Variants in KCTD17 observed in about 807,000 individuals in gnomAD.
The protein encoded by KCTD17 is potassium channel tetramerization domain containing 17, also known as BTB/POZ domain-containing protein KCTD17.
In KCTD17, 20 loss-of-function variants were observed where a neutral mutation model predicts 41.5. The observed-to-expected ratio is 0.48, with a 90% CI of 0.34 to 0.70. KCTD17 has a LOEUF of 0.70. Ranked by LOEUF, KCTD17 falls within the 30% of genes least tolerant of loss-of-function variation. The pLI, the probability that KCTD17 is intolerant of heterozygous loss-of-function variation, is 0.01. For missense variants in KCTD17, 317 were observed against 427.2 expected (o/e 0.74, Z 2.27); for synonymous variants, 156 against 173.8 (o/e 0.90, Z 0.80).
rs1266067140 is a variant in KCTD17, at chr22:37,051,820, C to T, written c.60C>T (p.Gly20=). The change falls in exon 1 of 9, where the codon GGC becomes GGT. Residue 20 remains glycine (G), a synonymous_variant. Coordinates refer to ENST00000403888, the MANE Select transcript of KCTD17 (RefSeq NM_001282684.2). The stretch of plus-strand genomic sequence containing the variant: ...CGGGGGCGGGCGGCCGCGCCGCAGG[C>T]GGCTGGGGCAAGTGGGTGCGGCTCA... ...PPAGAGGRAA[G]GWGKWVRLNV... is the part of the protein sequence containing the mutation. The T allele has an allele frequency of 1.5e-6, 2 of 1,326,624 alleles. No individual in the cohort carries two copies. The highest frequency in any genetic ancestry group is 9.7e-7 in the Non-Finnish European group (1 of 1,034,940). 82.2% of individuals were successfully genotyped at this position (1,326,624 alleles called of 1,614,324 possible).
intron 8 of KCTD17, chr22:37,062,266 A>G (rs1450695821): frequency 2.0e-6 from 2 of 984,840 alleles, no homozygotes; most frequent in East Asian, 1.1e-4. Flanking sequence ...ACCGAGCCCA[A>G]GACGGGGCAT....
Position 37,061,304 on chromosome 22 carries a change from C to A in KCTD17, c.784+129C>A. The A allele has an allele frequency of 6.6e-7, 1 of 1,519,306 alleles. No individual in the cohort carries two copies. The highest frequency in any genetic ancestry group is 8.8e-7 in the Non-Finnish European group (1 of 1,135,950). The allele number at this position is 1,519,306 out of a possible 1,614,324, so 94.1% of individuals were successfully genotyped here. A position where few individuals can be genotyped will look rare whatever the true frequency, so the allele number is the denominator to read the frequency against. ...CCTCCATCCCGGGTCTGCCCTGGTCCCAGCCTCCCGTGCCCTCCACCCAGG... is the reference window on the plus strand; with the variant it reads ...CCTCCATCCCGGGTCTGCCCTGGTCACAGCCTCCCGTGCCCTCCACCCAGG... On this transcript the variant is annotated intron_variant, in intron 7 of 8. Coordinates refer to ENST00000403888, the MANE Select transcript of KCTD17 (RefSeq NM_001282684.2). The surrounding 1 kb of genome is among the most constrained non-coding windows in gnomAD (Gnocchi z 6.6).
At chr22:37,059,210 G>T in intron 4 of KCTD17, 103 bp from the exon 5 acceptor site, 1 of 1,517,064 alleles carries the variant, frequency 6.6e-7, no homozygotes, top group Non-Finnish European at 9.0e-7. Context: ...GCAAGATTAG[G>T]ACCTGAGCTG....
chr22:37,052,576 C>T lies in KCTD17; in HGVS notation c.190-524C>T, dbSNP rs1359468540. On this transcript the variant is annotated intron_variant, in intron 1 of 8. Transcript: ENST00000403888. ...GGTCTCCTGTCCCCCATCCGTGACCCTCCGATGCTGTGGCCTTTGGCAAGT... is the reference window on the plus strand; with the variant it reads ...GGTCTCCTGTCCCCCATCCGTGACCTTCCGATGCTGTGGCCTTTGGCAAGT... 2.3e-5 allele frequency: 11 copies of T among 470,784 alleles called. No individual in the cohort carries two copies. The Admixed American group carries it at 2.6e-4, about 11-fold the overall frequency. 29.2% of individuals were successfully genotyped at this position (470,784 alleles called of 1,614,324 possible).
chr22:37,059,309 C>G lies in KCTD17; in HGVS notation c.487-4C>G. On this transcript the variant is annotated splice_polypyrimidine_tract_variant and splice_region_variant and intron_variant, in intron 4 of 8. Coordinates refer to ENST00000403888, the MANE Select transcript of KCTD17 (RefSeq NM_001282684.2). ...ATTTTTCTCCCCATGCTCCGCCCCT[C>G]TAGCTGGTGAACATCGGCTCCTCCT... 1 of 1,612,396 alleles carries G rather than the reference C, an allele frequency of 6.2e-7. No individual in the cohort carries two copies. The highest frequency in any genetic ancestry group is 8.5e-7 in the Non-Finnish European group (1 of 1,179,846).
In KCTD17 at chr22:37,051,911, A is replaced by G; in HGVS notation, c.151A>G (p.Ser51Gly). ...TLCREQKSFL[S>G]RLCQGEELQS... Reference sequence around the variant, plus strand: ...GTGCCGCGAGCAGAAGTCCTTCCTCAGCCGCCTGTGCCAGGGGGAAGAGCT... The same window carrying G: ...GTGCCGCGAGCAGAAGTCCTTCCTCGGCCGCCTGTGCCAGGGGGAAGAGCT... Residue 51 changes from serine (S) to glycine (G), a missense_variant, in exon 1 of 9, where the codon AGC (serine) becomes GGC (glycine). Around this residue, in one of 4 missense-constraint regions of KCTD17, gnomAD observed 99 missense variants for 166.5 expected, o/e 0.59. Coordinates refer to ENST00000403888, the MANE Select transcript of KCTD17 (RefSeq NM_001282684.2). 6.6e-7 allele frequency: 1 copy of G among 1,503,844 alleles called. No homozygotes were observed. Among genetic ancestry groups the G allele is most frequent in the African/African-American group, 1.4e-5 (1 of 69,540 alleles). The allele number at this position is 1,503,844 out of a possible 1,614,324, so 93.2% of individuals were successfully genotyped here.
At chr22:37,052,049 C>T (rs922632564) in intron 1 of KCTD17, 100 bp downstream of exon 1, 1 of 1,050,328 alleles carries the variant, frequency 9.5e-7, no homozygotes, top group Non-Finnish European at 1.2e-6. Context: ...GGGACCCGGC[C>T]GGGTTCATTT....
In KCTD17 at chr22:37,053,007, CTCCCTCCACTCTCCT is replaced by C. The variant is rs564008899; in HGVS notation, c.190-85_190-71del. ...TGCCTGCTCCATCCAGGGAAGAGCTCTCCCTCCACTCTCCTTCCCTCCCTGTGCGTGTGCGGGGTT... is the reference window on the plus strand; with the variant it reads ...TGCCTGCTCCATCCAGGGAAGAGCTCTCCCTCCCTGTGCGTGTGCGGGGTT... On this transcript the variant is annotated intron_variant, in intron 1 of 8. Coordinates refer to ENST00000403888, the MANE Select transcript of KCTD17 (RefSeq NM_001282684.2). This position sits in a 1 kb window ranked among gnomAD's most constrained non-coding sequence, Gnocchi z 4.1. The C allele has an allele frequency of 0.01, 10,409 of 1,033,554 alleles. 70 individuals carry two copies. Among genetic ancestry groups the C allele is most frequent in the Non-Finnish European group, 0.012 (8,200 of 685,766 alleles). 64.0% of individuals were successfully genotyped at this position (1,033,554 alleles called of 1,614,324 possible).
At chr22:37,058,302 C>T (rs1925374170) in intron 4 of KCTD17, among the ~76,000 whole-genome samples, 1 of 152,226 alleles carries the variant, frequency 6.6e-6, no homozygotes, top group Non-Finnish European at 1.5e-5. Flanking sequence ...GAGCCAGAGG[C>T]CTGGCTTCAC....
At chr22:37,057,300 T>C (rs1925244748) in intron 3 of KCTD17, 98 bp from the exon 4 acceptor site, 1 of 880,556 alleles carries the variant, frequency 1.1e-6, no homozygotes, top group Non-Finnish European at 1.9e-6. Context: ...TCTTCTTCTT[T>C]GGGTATGTTG....
At chr22:37,059,588 A>G in intron 5 of KCTD17, 150 bp downstream of exon 5, 1 of 911,464 alleles carries the variant, frequency 1.1e-6, no homozygotes, top group East Asian at 2.6e-5. Flanking sequence ...ACCGCCATCC[A>G]TCCCATGCCA....
At position 37,054,691 on chromosome 22, in the gene KCTD17, G is replaced by A. The variant is rs549245567; in HGVS notation, c.298+1483G>A. Among the ~76,000 whole-genome samples the A allele has an allele frequency of 5.3e-5, 8 of 152,284 alleles. No homozygotes were observed. The South Asian group carries it at 1.7e-3, about 32-fold the overall frequency. On this transcript the variant is annotated intron_variant, in intron 2 of 8. Coordinates refer to ENST00000403888, the MANE Select transcript of KCTD17 (RefSeq NM_001282684.2). Reference sequence around the variant, plus strand: ...TCACCGAGCTGTCATGAGGATAAAAGGAGTTAATAGTGCAGCATGGAGCTC... The same window carrying A: ...TCACCGAGCTGTCATGAGGATAAAAAGAGTTAATAGTGCAGCATGGAGCTC...
intron 2 of KCTD17, chr22:37,055,382 C>T (rs1166537070): frequency 6.6e-6 from 1 of 152,238 alleles, no homozygotes; most frequent in Non-Finnish European, 1.5e-5. Flanking sequence ...TGATCCTACC[C>T]TGGGGACTCT....
At chr22:37,055,832 G>A (rs1388975997) in intron 2 of KCTD17, among the ~76,000 whole-genome samples, 1 of 152,230 alleles carries the variant, frequency 6.6e-6, no homozygotes, top group Non-Finnish European at 1.5e-5. Context: ...CCTTGGACAA[G>A]CTGCTTCTCT....
chr22:37,056,440 A>C (rs369091372), intron 3 of KCTD17, 29 bp downstream of exon 3: 1 of 1,575,912 alleles, frequency 6.3e-7, no homozygotes, highest in South Asian at 1.1e-5. Flanking sequence ...ACACACGGCC[A>C]GGGCAGGGGC....
chr22:37,061,251 G>A lies in KCTD17; in HGVS notation c.784+76G>A. The A allele has an allele frequency of 6.5e-7, 1 of 1,545,026 alleles. No individual in the cohort carries two copies. Among genetic ancestry groups the A allele is most frequent in the Non-Finnish European group, 8.7e-7 (1 of 1,146,638 alleles). ...CCCTGCCTCTTCCCTCTCTGCCCCT[G>A]TCCGGGTTTTCTCTCTGCCTGCTCA... On this transcript the variant is annotated intron_variant, in intron 7 of 8. Transcript: ENST00000403888. This position sits in a 1 kb window ranked among gnomAD's most constrained non-coding sequence, Gnocchi z 6.6.
At chr22:37,054,951 C>T (rs964747377) in intron 2 of KCTD17, 2 of 152,346 alleles carry the variant, frequency 1.3e-5, no homozygotes, top group South Asian at 4.1e-4. Context: ...TTATGAAAAT[C>T]AGAAATTTAT....
chr22:37,056,024 C>G (rs1380654874), intron 2 of KCTD17, among the ~76,000 whole-genome samples: 3 of 152,158 alleles, frequency 2.0e-5, no homozygotes, highest in Non-Finnish European at 4.4e-5. Flanking sequence ...TCCCAATGAC[C>G]CTGCTGTCTC....
intron 3 of KCTD17, 30 bp from the exon 4 acceptor site, chr22:37,057,368 G>C (rs988785744): frequency 1.7e-5 from 27 of 1,588,696 alleles, no homozygotes; most frequent in East Asian, 6.7e-5. Flanking sequence ...GCTCCCACAG[G>C]TGCCCTCTAT....
Sources: allele counts gnomAD v4.1 joint callset (sites outside exome capture counted in the v4.1 genomes callset), GRCh38; gene constraint gnomAD v4.1.1; regional missense constraint gnomAD v4.1.1; non-coding constraint Gnocchi (gnomAD v3.1); transcripts MANE v1.5; gene names NCBI Gene and HGNC (gene_info 2026-07-23, HGNC 2026-07-21).